The following KAZN variants were observed in gnomAD, a reference collection of about 807,000 sequenced individuals.
KAZN encodes kazrin, periplakin interacting protein.
KAZN carries 40 observed loss-of-function variants against 87.4 expected under a neutral mutation model. The ratio of observed to expected loss-of-function variants is 0.46; its 90% CI spans 0.36 to 0.60. KAZN has a LOEUF of 0.60. KAZN is among the 20% of genes least tolerant of loss of function. KAZN has a pLI of 0.00. For missense variants in KAZN, 898 were observed against 1,073.9 expected, an observed-to-expected ratio of 0.84 and a Z score of 2.29; for synonymous variants, 466 against 458.3, an observed-to-expected ratio of 1.02 and a Z score of -0.22.
At chr1:14,899,859 T>C (rs1414349019) in intron 1 of KAZN, among the ~76,000 whole-genome samples, 2 of 152,242 alleles carry the variant, frequency 1.3e-5, no homozygotes, top group African/African-American at 4.8e-5. Context: ...TCTGCGTTTT[T>C]GCTCTGGGCA....
chr1:13,999,021 A>C (rs1293675580), intron 1 of KAZN, among the ~76,000 whole-genome samples: 3 of 152,246 alleles, frequency 2.0e-5, no homozygotes, highest in Non-Finnish European at 4.4e-5. Context: ...ATAGTGTCTT[A>C]GACCACAGTG....
Position 14,165,463 on chromosome 1 carries a change from G to A in KAZN, c.92-14972G>A, listed in dbSNP as rs115999138. On this transcript the variant is annotated intron_variant, in intron 1 of 16. Transcript: ENST00000636203. Reference sequence around the variant, plus strand: ...ACTGCTGGCAGTGAGCCTCCTGTCCGTGGCTCACCCAGGTCTCTGAGAATT... The same window carrying A: ...ACTGCTGGCAGTGAGCCTCCTGTCCATGGCTCACCCAGGTCTCTGAGAATT... Among the ~76,000 whole-genome samples the A allele has an allele frequency of 5.8e-3, 879 of 152,234 alleles. 12 individuals are homozygous for A. The highest frequency in any genetic ancestry group is 0.019 in the African/African-American group (799 of 41,518).
chr1:14,511,350 A>G (rs932299924), intron 2 of KAZN, among the ~76,000 whole-genome samples: 3 of 152,204 alleles, frequency 2.0e-5, no homozygotes, highest in Non-Finnish European at 2.9e-5. Context: ...GCCAAGAAGA[A>G]TTTATTAGCT....
intron 1 of KAZN, among the ~76,000 whole-genome samples, chr1:14,088,678 T>C (rs1643906230): frequency 6.6e-6 from 1 of 152,046 alleles, no homozygotes; most frequent in Admixed American, 6.5e-5. Context: ...ATGTCTTCTA[T>C]ATCTTTACTG....
chr1:14,847,607 C>A lies in KAZN; in HGVS notation c.227-113077C>A, dbSNP rs529241969. 1.5e-3 allele frequency among the ~76,000 whole-genome samples: 231 copies of A among 152,334 alleles called. 1 individual carries two copies. Among genetic ancestry groups the A allele is most frequent in the African/African-American group, 5.1e-3 (214 of 41,584 alleles). On this transcript the variant is annotated intron_variant, in intron 1 of 14. Coordinates refer to ENST00000376030, the MANE Select transcript of KAZN (RefSeq NM_201628.3). Reference sequence around the variant, plus strand: ...ACTACTTCTGTATGTCTTTACCCATCAGCCTCCCCCACCCAAATCTGTTCC... The same window carrying A: ...ACTACTTCTGTATGTCTTTACCCATAAGCCTCCCCCACCCAAATCTGTTCC...
Position 15,044,083 on chromosome 1 carries a change from A to G in KAZN, c.650A>G (p.Asp217Gly). Residue 217 changes from aspartate to glycine, a missense_variant, in exon 4 of 15, where the codon GAC becomes GGC. By Grantham distance (94) the Asp-to-Gly change is moderately conservative (BLOSUM62 -1). Coordinates refer to ENST00000376030, the MANE Select transcript of KAZN (RefSeq NM_201628.3). Reference sequence around the variant, plus strand: ...CGGCGCCAAGCCAAGGAGGCCACAGACCACGCCACGGCACTGCGCTCCCAG... The same window carrying G: ...CGGCGCCAAGCCAAGGAGGCCACAGGCCACGCCACGGCACTGCGCTCCCAG... The part of the protein sequence containing the change: ...ELRRQAKEAT[D>G]HATALRSQLD... 1.2e-6 allele frequency: 2 copies of G among 1,612,844 alleles called. No individual in the cohort carries two copies. Among genetic ancestry groups the G allele is most frequent in the Non-Finnish European group, 1.7e-6 (2 of 1,179,824 alleles).
At chr1:14,010,808 A>G (rs1009022026) in intron 1 of KAZN, among the ~76,000 whole-genome samples, 1 of 152,220 alleles carries the variant, frequency 6.6e-6, no homozygotes, top group Non-Finnish European at 1.5e-5. Flanking sequence ...TTCATGGGGG[A>G]AAACCCTGTT....
intron 2 of KAZN, among the ~76,000 whole-genome samples, chr1:14,415,823 G>C (rs1242575298): frequency 6.6e-6 from 1 of 151,828 alleles, no homozygotes; most frequent in Non-Finnish European, 1.5e-5. Context: ...AACCCCTTGT[G>C]CTTGTGTTGT....
chr1:13,913,050 G>T (rs1393378905), intron 1 of KAZN, among the ~76,000 whole-genome samples: 3 of 152,130 alleles, frequency 2.0e-5, no homozygotes, highest in African/African-American at 7.2e-5. Context: ...TTATCATCTT[G>T]CTGGATCATG....
chr1:14,484,931 C>G (rs888627620), intron 2 of KAZN, among the ~76,000 whole-genome samples: 1 of 152,164 alleles, frequency 6.6e-6, no homozygotes, highest in African/African-American at 2.4e-5. Flanking sequence ...TAGCCTCGGC[C>G]AAAGCAAATC....
rs555812840 is a variant in KAZN, at chr1:14,859,829, G to A, written c.227-100855G>A. Among the ~76,000 whole-genome samples the A allele has an allele frequency of 1.2e-4, 19 of 152,268 alleles. No individual in the cohort carries two copies. The South Asian group carries it at 3.7e-3, about 30-fold the overall frequency. On this transcript the variant is annotated intron_variant, in intron 1 of 14. Transcript: ENST00000376030. ...TCCCACTATTTCCCCTTAGCGCTCT[G>A]ATTATCAGCCTTCAAATCTCAGTAA...
intron 1 of KAZN, among the ~76,000 whole-genome samples, chr1:14,608,515 A>G (rs901125948): frequency 6.6e-6 from 1 of 152,260 alleles, no homozygotes; most frequent in African/African-American, 2.4e-5. Flanking sequence ...CTAGGGGTTA[A>G]AACTGGCTGT....
intron 1 of KAZN, among the ~76,000 whole-genome samples, chr1:14,901,509 C>T (rs1460895504): frequency 1.3e-5 from 2 of 151,954 alleles, no homozygotes; most frequent in East Asian, 3.9e-4. Flanking sequence ...ATAAGTCTGG[C>T]TGTTGGGTGG....
chr1:13,995,310 A>G (rs1185577079), intron 1 of KAZN, among the ~76,000 whole-genome samples: 5 of 152,172 alleles, frequency 3.3e-5, no homozygotes, highest in Admixed American at 1.3e-4. Context: ...ATCTAAAATA[A>G]TCTATACACA....
At chr1:14,365,695 A>G (rs1571407650) in intron 2 of KAZN, among the ~76,000 whole-genome samples, 1 of 152,172 alleles carries the variant, frequency 6.6e-6, no homozygotes, top group East Asian at 1.9e-4. Flanking sequence ...TTCCCCAGTC[A>G]TAACAATCAC....
At chr1:14,330,038 G>T (rs545450812) in intron 2 of KAZN, among the ~76,000 whole-genome samples, 2 of 152,282 alleles carry the variant, frequency 1.3e-5, no homozygotes, top group East Asian at 3.9e-4. Flanking sequence ...AAGCTGCTCA[G>T]GGCACACTCA....
intron 1 of KAZN, among the ~76,000 whole-genome samples, chr1:14,687,005 C>A (rs1205768874): frequency 6.6e-6 from 1 of 152,164 alleles, no homozygotes; most frequent in African/African-American, 2.4e-5. Context: ...CCTAGGAGGG[C>A]TAGATCCATA....
intron 2 of KAZN, among the ~76,000 whole-genome samples, chr1:14,406,459 A>G (rs1320297691): frequency 6.6e-6 from 1 of 152,100 alleles, no homozygotes; most frequent in Non-Finnish European, 1.5e-5. Flanking sequence ...CAAACATCGA[A>G]TGTTCTCACT....
intron 2 of KAZN, among the ~76,000 whole-genome samples, chr1:14,319,741 C>T (rs1655922029): frequency 1.3e-5 from 2 of 152,188 alleles, no homozygotes; most frequent in African/African-American, 2.4e-5. Context: ...CAGATCTGAT[C>T]TGTCTGTTGC....
Sources: gnomAD v4.1 joint callset for allele counts (sites outside exome capture counted in the v4.1 genomes callset) on GRCh38, gnomAD v4.1.1 for gene constraint, MANE v1.5 for transcripts, NCBI Gene and HGNC (gene_info 2026-07-23, HGNC 2026-07-21) for gene names.